The following ASXL1 variants were observed in gnomAD, a reference collection of about 807,000 sequenced individuals.
ASXL1 encodes polycomb group protein ASXL1.
ASXL1 carries 65 observed loss-of-function variants against 89.1 expected under a neutral mutation model. The ratio of observed to expected loss-of-function variants is 0.73; its 90% confidence interval spans 0.60 to 0.90. ASXL1 has a LOEUF of 0.90. Ranked by LOEUF, ASXL1 falls within the 40% of genes least tolerant of loss-of-function variation. ASXL1 has a pLI of 0.00. For synonymous variants in ASXL1, 739 were observed against 746.9 expected, an observed-to-expected ratio of 0.99 and a Z score of 0.17; for missense variants, 1,786 against 1,942.9, an observed-to-expected ratio of 0.92 and a Z score of 1.52.
intron 4 of ASXL1, among the ~76,000 whole-genome samples, chr20:32,404,365 T>C (rs2048920972): frequency 6.6e-6 from 1 of 152,208 alleles, no homozygotes; most frequent in Non-Finnish European, 1.5e-5. Context: ...TTTTGTACAG[T>C]TTTGTTAGAT....
intron 4 of ASXL1, among the ~76,000 whole-genome samples, chr20:32,408,914 A>T: frequency 6.6e-6 from 1 of 151,958 alleles, no homozygotes. Context: ...ATAGTTTCCA[A>T]TGAGGTCTTG....
chr20:32,434,923 T>C lies in ASXL1; in HGVS notation c.2211T>C (p.Val737=), dbSNP rs1426937437. ...EESCLLQRAT[V]GLTDGLGDAS... is the part of the protein sequence containing the mutation. The stretch of plus-strand genomic sequence containing the variant: ...GCTGCCTACTACAGAGGGCTACAGT[T>C]GGACTCACAGATGGGCTAGGAGATG... The change falls in exon 13 of 13, where the codon GTT becomes GTC. Residue 737 remains valine, a synonymous_variant. Coordinates refer to ENST00000375687, the MANE Select transcript of ASXL1 (RefSeq NM_015338.6). 6.2e-7 allele frequency: 1 copy of C among 1,614,192 alleles called. No individual in the cohort carries two copies. Among genetic ancestry groups the C allele is most frequent in the South Asian group, 1.1e-5 (1 of 91,084 alleles).
chr20:32,432,741 A>AGT lies in ASXL1; in HGVS notation c.980-138_980-137insTG, dbSNP rs1346871563. 6.6e-6 allele frequency: 7 copies of AGT among 1,053,244 alleles called. No homozygotes were observed. The African/African-American group carries it at 1.1e-4, about 17-fold the overall frequency. The allele number at this position is 1,053,244 out of a possible 1,614,324, so 65.2% of individuals were successfully genotyped here. On this transcript the variant is annotated intron_variant, in intron 10 of 12. Transcript: ENST00000375687. The stretch of plus-strand genomic sequence containing the variant: ...GAATTTCCCTTATAGTAGATGTGTT[A>AGT]GCTCTGTCCCTATAAGAGCATGATG...
intron 4 of ASXL1, among the ~76,000 whole-genome samples, chr20:32,380,966 C>T (rs994739536): frequency 1.3e-5 from 2 of 150,162 alleles, no homozygotes; most frequent in Admixed American, 6.7e-5. Context: ...GCCTACTTCT[C>T]GAATGGTTCT....
At chr20:32,358,953 T>C in intron 1 of ASXL1, 121 bp downstream of exon 1, 1 of 1,076,360 alleles carries the variant, frequency 9.3e-7, no homozygotes, top group South Asian at 1.9e-5. Flanking sequence ...CGGGGCCATC[T>C]TCCTTTAAGA....
At chr20:32,417,282 C>T (rs921910602) in intron 4 of ASXL1, among the ~76,000 whole-genome samples, 1 of 152,084 alleles carries the variant, frequency 6.6e-6, no homozygotes, top group African/African-American at 2.4e-5. Context: ...GGATTGTGGA[C>T]CTGTGGTCAC....
At chr20:32,365,065 A>G (rs1393025560) in intron 1 of ASXL1, among the ~76,000 whole-genome samples, 1 of 152,182 alleles carries the variant, frequency 6.6e-6, no homozygotes, top group Non-Finnish European at 1.5e-5. Flanking sequence ...CAGGAAGAAG[A>G]GTGGGTCTGG....
At chr20:32,409,481 T>C (rs2049009032) in intron 4 of ASXL1, among the ~76,000 whole-genome samples, 1 of 152,148 alleles carries the variant, frequency 6.6e-6, no homozygotes. Flanking sequence ...CCCTAACCTC[T>C]AAATAGTTAT....
rs79729420 is a variant in ASXL1 at position 32,409,380 on chromosome 20, A to C, written c.253-18748A>C. Among the ~76,000 whole-genome samples the C allele has an allele frequency of 3.5e-3, 535 of 152,260 alleles. 8 individuals carry two copies. Among genetic ancestry groups the C allele is most frequent in the East Asian group, 0.024 (126 of 5,188 alleles). ...ATAGCTGATTTTTCAATAACTTGTAATTTTGACATAATTTCAGACACGATT... is the reference window on the plus strand; with the variant it reads ...ATAGCTGATTTTTCAATAACTTGTACTTTTGACATAATTTCAGACACGATT... On this transcript the variant is annotated intron_variant, in intron 4 of 12. Transcript: ENST00000375687.
chr20:32,434,916 C>T lies in ASXL1; in HGVS notation c.2204C>T (p.Ala735Val). Residue 735 changes from alanine to valine, a missense_variant, in exon 13 of 13, where the codon GCT becomes GTT. This residue lies in a region of ASXL1 where 1,418 missense variants were observed against 1,427.8 expected (regional missense o/e 0.99). Transcript: ENST00000375687. ...GAGGAAAGCTGCCTACTACAGAGGG[C>T]TACAGTTGGACTCACAGATGGGCTA... ...RKEESCLLQRATVGLTDGLGD... is the reference protein window; with the variant it reads ...RKEESCLLQRVTVGLTDGLGD... 6.2e-7 allele frequency: 1 copy of T among 1,614,190 alleles called. No individual in the cohort carries two copies. Among genetic ancestry groups the T allele is most frequent in the African/African-American group, 1.3e-5 (1 of 75,058 alleles).
At chr20:32,358,907 G>T in intron 1 of ASXL1, 75 bp downstream of exon 1, 3 of 1,392,376 alleles carry the variant, frequency 2.2e-6, no homozygotes, top group Non-Finnish European at 2.8e-6. Flanking sequence ...CCCACTGGGG[G>T]GGGAGGGGCA....
At chr20:32,378,517 A>G (rs986310988) in intron 4 of ASXL1, among the ~76,000 whole-genome samples, 11 of 152,092 alleles carry the variant, frequency 7.2e-5, no homozygotes, top group African/African-American at 2.7e-4. Flanking sequence ...CAGTGGTGGG[A>G]TAGGTGAAAA....
At chr20:32,403,486 T>C (rs935741347) in intron 4 of ASXL1, among the ~76,000 whole-genome samples, 12 of 152,172 alleles carry the variant, frequency 7.9e-5, no homozygotes, top group African/African-American at 2.9e-4. Context: ...ATGATCATAG[T>C]TCACTGCTGC....
intron 1 of ASXL1, among the ~76,000 whole-genome samples, chr20:32,361,730 A>T (rs1169697876): frequency 6.6e-6 from 1 of 151,690 alleles, no homozygotes; most frequent in African/African-American, 2.4e-5. Flanking sequence ...AGAATTTTCC[A>T]TTTCTTTGAA....
At position 32,398,457 on chromosome 20, in the gene ASXL1, A is replaced by G. The variant is rs1236776554; in HGVS notation, c.252+29334A>G. Among the ~76,000 whole-genome samples the G allele has an allele frequency of 3.3e-5, 5 of 151,802 alleles. No homozygotes were observed. In the East Asian group the frequency reaches 9.7e-4, roughly 29 times the overall value. On this transcript the variant is annotated intron_variant, in intron 4 of 12. Coordinates refer to ENST00000375687, the MANE Select transcript of ASXL1 (RefSeq NM_015338.6). ...AAAGAAAACCCCGTATTTATTAAGC[A>G]TTTTTCTCTCTGTCCTTTTCCCTTC...
chr20:32,381,739 C>G (rs947835953), intron 4 of ASXL1, among the ~76,000 whole-genome samples: 2 of 151,970 alleles, frequency 1.3e-5, no homozygotes, highest in African/African-American at 4.8e-5. Context: ...TGGTCTCGAT[C>G]TTTTGACCTC....
At chr20:32,431,511 C>A in intron 9 of ASXL1, 27 bp downstream of exon 9, 2 of 1,614,060 alleles carry the variant, frequency 1.2e-6, no homozygotes, top group Non-Finnish European at 1.7e-6. Flanking sequence ...TCCCCTTTGC[C>A]TCTCTCTGGG....
intron 4 of ASXL1, among the ~76,000 whole-genome samples, chr20:32,386,944 A>T (rs1044192924): frequency 6.6e-6 from 1 of 152,042 alleles, no homozygotes; most frequent in Non-Finnish European, 1.5e-5. Context: ...CAGTTTTTCC[A>T]GCTGGTGCGT....
chr20:32,420,790 G>C (rs1428291483), intron 4 of ASXL1, among the ~76,000 whole-genome samples: 1 of 151,302 alleles, frequency 6.6e-6, no homozygotes, highest in African/African-American at 2.4e-5. Context: ...GTTTTTAAAA[G>C]ACAACTCAAA....
Sources: allele counts gnomAD v4.1 joint callset (sites outside exome capture counted in the v4.1 genomes callset), GRCh38; gene constraint gnomAD v4.1.1; regional missense constraint gnomAD v4.1.1; transcripts MANE v1.5; gene names NCBI Gene and HGNC (gene_info 2026-07-23, HGNC 2026-07-21).